Variants in RBFOX1 observed in about 807,000 individuals in gnomAD.
RBFOX1 encodes RNA binding protein fox-1 homolog 1.
A neutral mutation model predicts 57.7 loss-of-function variants in RBFOX1; 8 were observed. The ratio of observed to expected loss-of-function variants is 0.14; its 90% CI spans 0.08 to 0.25. The LOEUF (loss-of-function observed/expected upper bound fraction) is 0.25, where lower values mean the gene tolerates loss of function less well. Ranked by LOEUF, RBFOX1 falls within the 10% of genes least tolerant of loss-of-function variation. The pLI, the probability that RBFOX1 is intolerant of heterozygous loss-of-function variation, is 1.00. For missense variants in RBFOX1, 611 were observed against 548.5 expected (o/e 1.11, Z -1.14); for synonymous variants, 326 against 222.4 (o/e 1.47, Z -4.15).
intron 4 of RBFOX1, among the ~76,000 whole-genome samples, chr16:7,444,082 C>G (rs959849399): frequency 6.6e-6 from 1 of 152,222 alleles, no homozygotes; most frequent in Non-Finnish European, 1.5e-5. Flanking sequence ...CAAGACCACA[C>G]ATGTGCAAAA....
chr16:7,543,667 C>CTGTG lies in RBFOX1; in HGVS notation c.270+25328_270+25331dup, dbSNP rs71150310. ...GAGTCTGCACCATGCTGGGCAGTAT[C>CTGTG]TGTGTGTGTGTGTGTGTGTGTGTGT... On this transcript the variant is annotated intron_variant, in intron 5 of 15. Coordinates refer to ENST00000550418, the MANE Select transcript of RBFOX1 (RefSeq NM_018723.4). Among the ~76,000 whole-genome samples the CTGTG allele has an allele frequency of 4.6e-3, 650 of 141,492 alleles. 5 individuals are homozygous for CTGTG. The highest frequency in any genetic ancestry group is 0.015 in the East Asian group (70 of 4,680). The allele number at this position is 141,492 out of a possible 152,430, so 92.8% of individuals were successfully genotyped here.
At chr16:5,807,673 T>G (rs2055276864) in intron 3 of RBFOX1, among the ~76,000 whole-genome samples, 2 of 152,224 alleles carry the variant, frequency 1.3e-5, no homozygotes, top group Non-Finnish European at 2.9e-5. Flanking sequence ...AAGTCCTGGC[T>G]TCTGAGAGAG....
At chr16:7,259,271 C>CTTA (rs1320707106) in intron 4 of RBFOX1, among the ~76,000 whole-genome samples, 11 of 152,258 alleles carry the variant, frequency 7.2e-5, no homozygotes, top group African/African-American at 2.6e-4. Flanking sequence ...AGTAGGAAAG[C>CTTA]AACTGCAAAG....
intron 1 of RBFOX1, among the ~76,000 whole-genome samples, chr16:5,296,999 T>A (rs1348499891): frequency 6.6e-6 from 1 of 152,254 alleles, no homozygotes; most frequent in East Asian, 1.9e-4. Context: ...TCCACATGTA[T>A]TTGAGATCTT....
intron 3 of RBFOX1, among the ~76,000 whole-genome samples, chr16:6,717,576 C>G (rs1038004996): frequency 3.3e-5 from 5 of 150,420 alleles, no homozygotes; most frequent in Non-Finnish European, 7.4e-5. Flanking sequence ...GCCTGAGATG[C>G]TGAAGTCTTT....
At chr16:5,919,070 G>C (rs2058764971) in intron 4 of RBFOX1, among the ~76,000 whole-genome samples, 2 of 152,188 alleles carry the variant, frequency 1.3e-5, no homozygotes, top group African/African-American at 4.8e-5. Context: ...TCTGAGAGCT[G>C]AGGCAGTTTC....
intron 5 of RBFOX1, among the ~76,000 whole-genome samples, chr16:7,537,024 C>G (rs2081628906): frequency 6.6e-6 from 1 of 152,180 alleles, no homozygotes; most frequent in Non-Finnish European, 1.5e-5. Context: ...CAGAGCCCTG[C>G]TGGCCTCATC....
chr16:5,710,201 T>A (rs976071214), intron 3 of RBFOX1, among the ~76,000 whole-genome samples: 1 of 151,902 alleles, frequency 6.6e-6, no homozygotes. Context: ...GTGGATAGGG[T>A]CCTATTTTGT....
At chr16:6,675,601 G>A (rs1402734009) in intron 3 of RBFOX1, among the ~76,000 whole-genome samples, 2 of 152,264 alleles carry the variant, frequency 1.3e-5, no homozygotes, top group South Asian at 2.1e-4. Flanking sequence ...TGGGTAATTT[G>A]TAAAGAAAAA....
At chr16:6,375,164 G>A (rs1433830079) in intron 2 of RBFOX1, among the ~76,000 whole-genome samples, 1 of 152,098 alleles carries the variant, frequency 6.6e-6, no homozygotes, top group African/African-American at 2.4e-5. Flanking sequence ...AAATGTTGAG[G>A]TTCTGTTGCC....
intron 14 of RBFOX1, among the ~76,000 whole-genome samples, chr16:7,678,690 C>A (rs2146552654): frequency 6.6e-6 from 1 of 152,230 alleles, no homozygotes; most frequent in African/African-American, 2.4e-5. Flanking sequence ...GACATTTAAA[C>A]AATTAACAAT....
chr16:5,627,946 C>T (rs188211010), intron 3 of RBFOX1, among the ~76,000 whole-genome samples: 3 of 152,282 alleles, frequency 2.0e-5, no homozygotes, highest in African/African-American at 7.2e-5. Context: ...CTAATTAAAA[C>T]TGGTGAGAAG....
At chr16:7,592,770 T>C (rs1440326135) in intron 7 of RBFOX1, among the ~76,000 whole-genome samples, 1 of 152,098 alleles carries the variant, frequency 6.6e-6, no homozygotes, top group South Asian at 2.1e-4. Context: ...TCAAAATCTA[T>C]AGCCAAAAAT....
chr16:6,997,694 A>G (rs1303243540), intron 3 of RBFOX1, among the ~76,000 whole-genome samples: 3 of 152,230 alleles, frequency 2.0e-5, no homozygotes, highest in African/African-American at 4.8e-5. Context: ...ACAGAAGAAA[A>G]CTTTTGGTTA....
chr16:6,865,229 C>T (rs1347413381), intron 3 of RBFOX1, among the ~76,000 whole-genome samples: 2 of 151,922 alleles, frequency 1.3e-5, no homozygotes, highest in Non-Finnish European at 2.9e-5. Flanking sequence ...TCTCGAACTC[C>T]TGACCTCAGG....
chr16:5,925,989 C>G (rs1458509404), intron 4 of RBFOX1, among the ~76,000 whole-genome samples: 3 of 152,298 alleles, frequency 2.0e-5, no homozygotes, highest in East Asian at 1.9e-4. Flanking sequence ...CCTCTGTTTA[C>G]TACAGGTGTG....
At chr16:6,314,826 A>G (rs2080869258) in intron 1 of RBFOX1, among the ~76,000 whole-genome samples, 1 of 152,220 alleles carries the variant, frequency 6.6e-6, no homozygotes, top group South Asian at 2.1e-4. Flanking sequence ...CATTGGAGGC[A>G]TACTGTGAAT....
At position 7,347,361 on chromosome 16, in the gene RBFOX1, C is replaced by G. The variant is rs575781990; in HGVS notation, c.28-170786C>G. 7.2e-4 allele frequency among the ~76,000 whole-genome samples: 109 copies of G among 152,202 alleles called. 3 individuals carry two copies. The South Asian group carries it at 0.022, about 31-fold the overall frequency. The stretch of plus-strand genomic sequence containing the variant: ...CATGTTTCACATGGATGACAGCAGG[C>G]AAAGAGAGCTCGTGCAGGGAAACTC... On this transcript the variant is annotated intron_variant, in intron 4 of 15. Transcript: ENST00000550418.
At chr16:5,952,645 G>C (rs932622861) in intron 4 of RBFOX1, among the ~76,000 whole-genome samples, 8 of 152,172 alleles carry the variant, frequency 5.3e-5, no homozygotes, top group African/African-American at 1.9e-4. Flanking sequence ...TGTATCGATA[G>C]TGATGGGTGT....
Sources: allele counts gnomAD v4.1 joint callset (sites outside exome capture counted in the v4.1 genomes callset), GRCh38; gene constraint gnomAD v4.1.1; transcripts MANE v1.5; gene names NCBI Gene and HGNC (gene_info 2026-07-23, HGNC 2026-07-21).